HLCS: variants seen among roughly 807,000 people sequenced by gnomAD.
The protein encoded by HLCS is holocarboxylase synthetase.
HLCS carries 53 observed loss-of-function variants against 75.0 expected under a neutral mutation model. That is an observed-to-expected ratio of 0.71 (90% CI 0.57 to 0.89). HLCS has a LOEUF of 0.89. Among genes scored for constraint, HLCS ranks in the 40% least tolerant of loss-of-function variants. HLCS has a pLI of 0.00. For missense variants in HLCS, 966 were observed against 1,074.0 expected (o/e 0.90, Z 1.41); for synonymous variants, 431 against 428.6 (o/e 1.01, Z -0.07).
In HLCS at chr21:36,937,386, T is replaced by C. The variant is rs577182758; in HGVS notation, c.500A>G (p.His167Arg). 68 of 1,613,306 alleles carry C rather than the reference T, an allele frequency of 4.2e-5. No homozygotes were observed. Among genetic ancestry groups the C allele is most frequent in the Non-Finnish European group, 5.6e-5 (66 of 1,179,742 alleles). The change falls in exon 4 of 11, where the codon CAC (histidine) becomes CGC (arginine). Residue 167 changes from histidine to arginine, a missense_variant. Physicochemically the swap from His to Arg is conservative, Grantham distance 29. Coordinates refer to ENST00000674895, the MANE Select transcript of HLCS (RefSeq NM_001352514.2). ...GLVPQKIVSV[H>R]LQDSTLKEVK... ...TTCCTTCAGAGTGGAGTCCTGCAAGTGCACCGCTAAGGCATGAATAGGAGA... is the reference window on the plus strand; with the variant it reads ...TTCCTTCAGAGTGGAGTCCTGCAAGCGCACCGCTAAGGCATGAATAGGAGA...
At chr21:36,814,650 G>C (rs1340269480) in intron 6 of HLCS, among the ~76,000 whole-genome samples, 2 of 152,204 alleles carry the variant, frequency 1.3e-5, no homozygotes, top group Admixed American at 6.5e-5. Flanking sequence ...AAAATGTAAA[G>C]AGAAAATAAA....
At chr21:36,783,358 G>A (rs1272805987) in intron 6 of HLCS, among the ~76,000 whole-genome samples, 2 of 152,114 alleles carry the variant, frequency 1.3e-5, no homozygotes, top group Non-Finnish European at 1.5e-5. Flanking sequence ...TGTTCCCAAA[G>A]CTATTTTTCA....
At chr21:36,795,612 C>A (rs116978074) in intron 6 of HLCS, among the ~76,000 whole-genome samples, 3,935 of 152,236 alleles carry the variant, frequency 0.026, 89 homozygotes, top group Non-Finnish European at 0.038. Flanking sequence ...AAGAAATATG[C>A]AAAATTAGTA....
At chr21:36,796,765 C>T (rs144062914) in intron 6 of HLCS, among the ~76,000 whole-genome samples, 33 of 152,250 alleles carry the variant, frequency 2.2e-4, no homozygotes, top group African/African-American at 7.7e-4. Flanking sequence ...ATAATAACTT[C>T]CAGAAATAAA....
chr21:36,860,739 C>G (rs1450401666), intron 6 of HLCS, among the ~76,000 whole-genome samples: 1 of 152,200 alleles, frequency 6.6e-6, no homozygotes, highest in African/African-American at 2.4e-5. Context: ...CACGGCACAT[C>G]TGGTATGATA....
At chr21:36,965,938 T>G (rs1028906916) in intron 1 of HLCS, among the ~76,000 whole-genome samples, 1 of 151,462 alleles carries the variant, frequency 6.6e-6, no homozygotes. Context: ...TGTTTTGTTT[T>G]TTGTAGAGAG....
At chr21:36,895,380 C>CT (rs2064971533) in intron 6 of HLCS, among the ~76,000 whole-genome samples, 1 of 152,074 alleles carries the variant, frequency 6.6e-6, no homozygotes, top group South Asian at 2.1e-4. Context: ...AAAGAACAGG[C>CT]TTTTTCCTTT....
At chr21:36,804,187 G>T (rs764261013) in intron 6 of HLCS, 28 of 152,382 alleles carry the variant, frequency 1.8e-4, no homozygotes, top group Non-Finnish European at 3.7e-4. Flanking sequence ...CTTCCACGGG[G>T]TCCATTAGTT....
At chr21:36,820,429 C>A (rs923228909) in intron 6 of HLCS, among the ~76,000 whole-genome samples, 2 of 152,232 alleles carry the variant, frequency 1.3e-5, no homozygotes, top group African/African-American at 2.4e-5. Flanking sequence ...CCCCCTCCCC[C>A]ACAGGCTCAG....
At chr21:36,776,745 C>A (rs2145818610) in intron 6 of HLCS, among the ~76,000 whole-genome samples, 1 of 152,316 alleles carries the variant, frequency 6.6e-6, no homozygotes, top group Admixed American at 6.5e-5. Flanking sequence ...CAGAGGTCAG[C>A]AGAATTCTCT....
At chr21:36,867,775 T>A (rs1352950415) in intron 6 of HLCS, among the ~76,000 whole-genome samples, 1 of 152,242 alleles carries the variant, frequency 6.6e-6, no homozygotes, top group Non-Finnish European at 1.5e-5. Context: ...GCCCTTCTTT[T>A]AAAGCCAAAT....
chr21:36,966,934 G>A (rs1239419462), upstream of HLCS, among the ~76,000 whole-genome samples: 1 of 151,612 alleles, frequency 6.6e-6, no homozygotes, highest in Non-Finnish European at 1.5e-5. Context: ...ACCGGGGTCA[G>A]GGGACGCCGG....
Position 36,936,834 on chromosome 21 carries a change from C to T in HLCS, c.1052G>A (p.Ser351Asn). ...SYILYHLLEDSALRDPWTDNC... is the reference protein window; with the variant it reads ...SYILYHLLEDNALRDPWTDNC... ...GTCCGTCCACGGGTCTCTGAGAGCACTGTCCTCCAGCAGGTGGTAGAGAAT... is the reference window on the plus strand; with the variant it reads ...GTCCGTCCACGGGTCTCTGAGAGCATTGTCCTCCAGCAGGTGGTAGAGAAT... Residue 351 changes from serine (S) to asparagine (N), a missense_variant, in exon 4 of 11, where the codon AGT (serine) becomes AAT (asparagine). By Grantham distance (46) the Ser-to-Asn change is conservative. Coordinates refer to ENST00000674895, the MANE Select transcript of HLCS (RefSeq NM_001352514.2). 1 of 1,614,202 alleles carries T rather than the reference C, an allele frequency of 6.2e-7. No homozygotes were observed. Among genetic ancestry groups the T allele is most frequent in the African/African-American group, 1.3e-5 (1 of 75,066 alleles).
chr21:36,854,902 G>A (rs2063133789), intron 6 of HLCS, among the ~76,000 whole-genome samples: 2 of 152,152 alleles, frequency 1.3e-5, no homozygotes, highest in South Asian at 4.2e-4. Flanking sequence ...AGTACTTTCT[G>A]TACAGCGGTA....
At chr21:36,966,193 C>G (rs2068565751) in intron 1 of HLCS, among the ~76,000 whole-genome samples, 1 of 152,224 alleles carries the variant, frequency 6.6e-6, no homozygotes, top group Admixed American at 6.5e-5. Flanking sequence ...CTCACAGGTG[C>G]GCGCCTAGAG....
intron 6 of HLCS, among the ~76,000 whole-genome samples, chr21:36,838,883 G>C (rs1490592823): frequency 6.6e-6 from 1 of 152,214 alleles, no homozygotes; most frequent in African/African-American, 2.4e-5. Flanking sequence ...CCTCCAGAGG[G>C]AGTGTGGCCC....
intron 6 of HLCS, among the ~76,000 whole-genome samples, chr21:36,819,319 TGA>T (rs2061756576): frequency 6.6e-6 from 1 of 152,232 alleles, no homozygotes; most frequent in Non-Finnish European, 1.5e-5. Context: ...CATGGGAGGA[TGA>T]GAGAGGAGCA....
intron 5 of HLCS, 50 bp from the exon 6 acceptor site, chr21:36,897,181 G>T: frequency 1.3e-6 from 2 of 1,598,168 alleles, no homozygotes; most frequent in South Asian, 1.1e-5. Flanking sequence ...CATTACATTA[G>T]ATCATGGTAG....
chr21:36,908,804 C>T (rs1008555621), intron 5 of HLCS, among the ~76,000 whole-genome samples: 13 of 152,254 alleles, frequency 8.5e-5, no homozygotes, highest in African/African-American at 3.1e-4. Context: ...ACTTAGATGA[C>T]GTTTCAGAAA....
Sources: allele counts gnomAD v4.1 joint callset (sites outside exome capture counted in the v4.1 genomes callset), GRCh38; gene constraint gnomAD v4.1.1; transcripts MANE v1.5; gene names NCBI Gene and HGNC (gene_info 2026-07-23, HGNC 2026-07-21).